Variants in TLE1 observed in about 807,000 individuals in gnomAD.
TLE1 encodes the protein TLE family member 1, transcriptional corepressor, also known as transducin-like enhancer protein 1.
In TLE1, 21 loss-of-function variants were observed where a neutral mutation model predicts 89.8. That is an observed-to-expected ratio of 0.23 (90% CI 0.17 to 0.34). TLE1 has a LOEUF of 0.34. Ranked by LOEUF, TLE1 falls within the 10% of genes least tolerant of loss-of-function variation. The pLI is 1.00. For missense variants in TLE1, 795 were observed against 1,031.2 expected (o/e 0.77, Z 3.14); for synonymous variants, 447 against 407.6 (o/e 1.10, Z -1.16).
chr9:81,638,728 G>A (rs895917419), intron 6 of TLE1, among the ~76,000 whole-genome samples: 7 of 151,968 alleles, frequency 4.6e-5, no homozygotes, highest in Non-Finnish European at 7.4e-5. Flanking sequence ...GGGTTCAAGC[G>A]ATTCTCCTGC....
intron 6 of TLE1, among the ~76,000 whole-genome samples, chr9:81,648,472 A>G (rs987463436): frequency 6.6e-6 from 1 of 152,170 alleles, no homozygotes; most frequent in African/African-American, 2.4e-5. Context: ...CAAGCTGTGC[A>G]TTTCACTATA....
At chr9:81,593,861 T>C (rs1026338690) in intron 14 of TLE1, among the ~76,000 whole-genome samples, 1 of 152,178 alleles carries the variant, frequency 6.6e-6, no homozygotes, top group Non-Finnish European at 1.5e-5. Flanking sequence ...ATTTTAGGTT[T>C]CCTACTCAAC....
chr9:81,608,226 C>A (rs1483122489), intron 14 of TLE1, among the ~76,000 whole-genome samples: 1 of 151,852 alleles, frequency 6.6e-6, no homozygotes, highest in Admixed American at 6.6e-5. Context: ...CCGGTTTGCC[C>A]CTTATCCACT....
At position 81,687,396 on chromosome 9, in the gene TLE1, A is replaced by G. The variant is rs147523347; in HGVS notation, c.63T>C (p.Thr21=). 10,807 of 1,611,430 alleles carry G rather than the reference A, an allele frequency of 6.7e-3. 113 individuals carry two copies. Among genetic ancestry groups the G allele is most frequent in the South Asian group, 0.028 (2,515 of 90,272 alleles). The change falls in exon 2 of 20, where the codon ACT becomes ACC. Residue 21 remains threonine (T), a synonymous_variant. Transcript: ENST00000376499. ...HQAAGQPFKF[T]IPESLDRIKE... ...TAATCCGGTCCAGGGACTCCGGGAT[A>G]GTGAACTTGAAGGGCTGGCCTGCAG... is the stretch of plus-strand genomic sequence containing the variant.
At chr9:81,639,767 A>G (rs1827878407) in intron 6 of TLE1, among the ~76,000 whole-genome samples, 1 of 149,932 alleles carries the variant, frequency 6.7e-6, no homozygotes, top group South Asian at 2.1e-4. Flanking sequence ...TATTTTTAGT[A>G]GAGATGGGGT....
chr9:81,674,599 A>G (rs148001510), intron 4 of TLE1, among the ~76,000 whole-genome samples: 25 of 152,332 alleles, frequency 1.6e-4, no homozygotes, highest in Middle Eastern at 3.4e-3. Flanking sequence ...GTTGCTAACA[A>G]TATTTCCCCC....
intron 16 of TLE1, 56 bp from the exon 17 acceptor site, chr9:81,587,884 C>G: frequency 1.6e-5 from 17 of 1,075,686 alleles, no homozygotes; most frequent in Non-Finnish European, 2.1e-5. Flanking sequence ...AAGGTAAACA[C>G]TGTTGTGTTG....
At chr9:81,664,202 GCCAGGAGTTCGAGA>G (rs1831177250) in intron 4 of TLE1, among the ~76,000 whole-genome samples, 1 of 151,406 alleles carries the variant, frequency 6.6e-6, no homozygotes, top group Admixed American at 6.6e-5. Context: ...ATCACTTGAG[GCCAGGAGTTCGAGA>G]CCAGCCTGGG....
chr9:81,687,045 T>C lies in TLE1; in HGVS notation c.125+289A>G, dbSNP rs187412118. 4.6e-5 allele frequency among the ~76,000 whole-genome samples: 7 copies of C among 152,140 alleles called. No homozygotes were observed. In the East Asian group the frequency reaches 1.4e-3, roughly 29 times the overall value. On this transcript the variant is annotated intron_variant, in intron 2 of 19. Coordinates refer to ENST00000376499, the MANE Select transcript of TLE1 (RefSeq NM_005077.5). ...CTCAGTCTGCTGAAAAATAAATACA[T>C]GAAGTGCAAATATTGACGATTCTCA... is the stretch of plus-strand genomic sequence containing the variant.
rs769415366 is a variant in TLE1, at chr9:81,584,506, G to A, written c.2147C>T (p.Thr716Ile). 1 of 1,614,142 alleles carries A rather than the reference G, an allele frequency of 6.2e-7. No individual in the cohort carries two copies. Among genetic ancestry groups the A allele is most frequent in the Non-Finnish European group, 8.5e-7 (1 of 1,180,032 alleles). ...FAYCGKWFVS[T>I]GKDNLLNAWR... ...AGCATTGAGGAGGTTATCTTTTCCAGTACTCACAAACCATTTACCTAGAAT... is the reference window on the plus strand; with the variant it reads ...AGCATTGAGGAGGTTATCTTTTCCAATACTCACAAACCATTTACCTAGAAT... The change falls in exon 19 of 20, where the codon ACT (threonine) becomes ATT (isoleucine). Residue 716 changes from threonine (T) to isoleucine (I), a missense_variant. Thr to Ile is a moderately conservative substitution (Grantham distance 89). Coordinates refer to ENST00000376499, the MANE Select transcript of TLE1 (RefSeq NM_005077.5).
intron 11 of TLE1, among the ~76,000 whole-genome samples, chr9:81,615,544 C>CAAA (rs530072232): frequency 8.9e-5 from 9 of 101,182 alleles, no homozygotes; most frequent in Non-Finnish European, 1.2e-4. Flanking sequence ...ACTAAAAATA[C>CAAA]AAAAAAAAAA....
Position 81,634,242 on chromosome 9 carries a change from C to T in TLE1, c.432G>A (p.Thr144=), listed in dbSNP as rs767130693. 8.2e-6 allele frequency: 13 copies of T among 1,582,488 alleles called. No individual in the cohort carries two copies. Among genetic ancestry groups the T allele is most frequent in the East Asian group, 4.6e-5 (2 of 43,866 alleles). The change falls in exon 7 of 20, where the codon ACG becomes ACA. Residue 144 remains threonine, a synonymous_variant. Transcript: ENST00000376499. Reference sequence around the variant, plus strand: ...GAGGCTGAAGTCCCGAAGGGTGAGGCGTAAGGGGAACTGGGGGTCCGTGGC... The same window carrying T: ...GAGGCTGAAGTCCCGAAGGGTGAGGTGTAAGGGGAACTGGGGGTCCGTGGC... ...SHGHGPPVPL[T]PHPSGLQPPG...
chr9:81,588,307 CCT>C (rs1828908882), intron 16 of TLE1, among the ~76,000 whole-genome samples: 1 of 152,182 alleles, frequency 6.6e-6, no homozygotes, highest in South Asian at 2.1e-4. Flanking sequence ...CAGAAGCATT[CCT>C]GTTTCCATGA....
intron 4 of TLE1, among the ~76,000 whole-genome samples, chr9:81,669,457 C>T (rs1831927535): frequency 6.6e-6 from 1 of 152,202 alleles, no homozygotes; most frequent in Non-Finnish European, 1.5e-5. Flanking sequence ...GGTTTTAGAT[C>T]ATCAGCTGAA....
At chr9:81,636,372 A>C (rs1200849458) in intron 6 of TLE1, among the ~76,000 whole-genome samples, 1 of 143,636 alleles carries the variant, frequency 7.0e-6, no homozygotes, top group Non-Finnish European at 1.5e-5. Context: ...GTGCTTGGAG[A>C]AGGATGAGGA....
intron 4 of TLE1, among the ~76,000 whole-genome samples, chr9:81,669,517 T>G (rs956890935): frequency 6.6e-6 from 1 of 152,128 alleles, no homozygotes; most frequent in Non-Finnish European, 1.5e-5. Context: ...AAGTAGAAAT[T>G]TTAACTAATA....
chr9:81,620,989 C>A (rs1825173614), intron 8 of TLE1: 4 of 430,478 alleles, frequency 9.3e-6, no homozygotes, highest in South Asian at 3.6e-5. Flanking sequence ...TAAAAAGGCA[C>A]AAAGGAAGCG....
chr9:81,667,255 G>C (rs954869590), intron 4 of TLE1, among the ~76,000 whole-genome samples: 1 of 151,926 alleles, frequency 6.6e-6, no homozygotes, highest in African/African-American at 2.4e-5. Flanking sequence ...AAATTAGCTG[G>C]GTGTAGTGGT....
At chr9:81,665,652 T>C (rs2132844734) in intron 4 of TLE1, among the ~76,000 whole-genome samples, 1 of 152,320 alleles carries the variant, frequency 6.6e-6, no homozygotes, top group South Asian at 2.1e-4. Flanking sequence ...TCGCAGCAGC[T>C]CTCAGCAGAG....
Sources: gnomAD v4.1 joint callset for allele counts (sites outside exome capture counted in the v4.1 genomes callset) on GRCh38, gnomAD v4.1.1 for gene constraint, MANE v1.5 for transcripts, NCBI Gene and HGNC (gene_info 2026-07-23, HGNC 2026-07-21) for gene names.